PCDH7: variants seen among roughly 807,000 people sequenced by gnomAD.
PCDH7 encodes protocadherin-7.
A neutral mutation model predicts 58.9 loss-of-function variants in PCDH7; 17 were observed. The ratio of observed to expected loss-of-function variants is 0.29; its 90% CI spans 0.20 to 0.43. The LOEUF (loss-of-function observed/expected upper bound fraction) is 0.43, where lower values mean the gene tolerates loss of function less well. Ranked by LOEUF, PCDH7 falls within the 20% of genes least tolerant of loss-of-function variation. The probability of loss-of-function intolerance (pLI) is 1.00; values close to 1 mark genes in which losing one functional copy is unlikely to be tolerated. For synonymous variants in PCDH7, 664 were observed against 616.4 expected (o/e 1.08, Z -1.14); for missense variants, 1,274 against 1,441.0 (o/e 0.88, Z 1.88).
At chr4:31,117,191 T>C (rs557713342) in intron 3 of PCDH7, among the ~76,000 whole-genome samples, 25 of 152,108 alleles carry the variant, frequency 1.6e-4, no homozygotes, top group Non-Finnish European at 3.2e-4. Context: ...CTAGGTTTTA[T>C]GTAATATATG....
intron 3 of PCDH7, among the ~76,000 whole-genome samples, chr4:30,976,238 C>T (rs984076483): frequency 2.0e-5 from 3 of 151,960 alleles, no homozygotes; most frequent in South Asian, 4.2e-4. Flanking sequence ...ACCACTAACT[C>T]CACCCACCAC....
chr4:30,949,075 C>T (rs1413097704), intron 2 of PCDH7, among the ~76,000 whole-genome samples: 1 of 152,120 alleles, frequency 6.6e-6, no homozygotes, highest in African/African-American at 2.4e-5. Context: ...CATCAATGTC[C>T]TAGCCCTTGT....
chr4:30,811,739 T>G (rs1727044365), intron 1 of PCDH7, among the ~76,000 whole-genome samples: 1 of 152,146 alleles, frequency 6.6e-6, no homozygotes, highest in East Asian at 1.9e-4. Flanking sequence ...ATCTGTAGTG[T>G]TTTTAGTGAT....
chr4:30,865,937 C>A (rs758013695), intron 1 of PCDH7, among the ~76,000 whole-genome samples: 1 of 151,952 alleles, frequency 6.6e-6, no homozygotes, highest in Non-Finnish European at 1.5e-5. Flanking sequence ...TCCTCTTGTT[C>A]GAATTTAGGG....
In PCDH7 at chr4:31,059,438, G is replaced by C. The variant is rs1037544857; in HGVS notation, c.*8-83035G>C. Among the ~76,000 whole-genome samples the C allele has an allele frequency of 2.0e-5, 3 of 151,858 alleles. No individual in the cohort carries two copies. The South Asian group carries it at 6.2e-4, about 31-fold the overall frequency. On this transcript the variant is annotated intron_variant, in intron 3 of 3. Coordinates refer to the PCDH7 transcript ENST00000509759. Reference sequence around the variant, plus strand: ...TTCAACACTCATTGAAAGCATGACAGTAGAATTGTATCAATTCAGATTACT... The same window carrying C: ...TTCAACACTCATTGAAAGCATGACACTAGAATTGTATCAATTCAGATTACT...
chr4:30,894,184 T>G (rs1738986060), intron 1 of PCDH7, among the ~76,000 whole-genome samples: 1 of 152,076 alleles, frequency 6.6e-6, no homozygotes, highest in Non-Finnish European at 1.5e-5. Flanking sequence ...GCTTGAAGTT[T>G]GCTTTCCAGA....
At chr4:30,754,111 G>T (rs73213185) in intron 1 of PCDH7, among the ~76,000 whole-genome samples, 4 of 151,778 alleles carry the variant, frequency 2.6e-5, no homozygotes, top group Admixed American at 2.6e-4. Context: ...TATGAAGCAG[G>T]TAGCTTCTTC....
chr4:30,997,126 T>C (rs1751964828), intron 3 of PCDH7, among the ~76,000 whole-genome samples: 1 of 152,104 alleles, frequency 6.6e-6, no homozygotes, highest in Non-Finnish European at 1.5e-5. Flanking sequence ...CTGAAAGCTT[T>C]GCATTATTTC....
chr4:31,028,650 C>A (rs549613838), intron 3 of PCDH7, among the ~76,000 whole-genome samples: 95 of 113,032 alleles, frequency 8.4e-4, no homozygotes, highest in Non-Finnish European at 2.0e-4. Flanking sequence ...AGAACAAGAC[C>A]CTGCTTCAAA....
intron 3 of PCDH7, among the ~76,000 whole-genome samples, chr4:30,998,584 C>T (rs1011458319): frequency 1.3e-5 from 2 of 152,054 alleles, no homozygotes; most frequent in African/African-American, 4.8e-5. Flanking sequence ...GGGCGTATCC[C>T]AGAACAATTG....
chr4:30,957,870 T>G (rs371179590), intron 3 of PCDH7, among the ~76,000 whole-genome samples: 1 of 152,286 alleles, frequency 6.6e-6, no homozygotes. Flanking sequence ...TACTGCTAAC[T>G]CTGCTGGGTC....
intron 3 of PCDH7, among the ~76,000 whole-genome samples, chr4:31,127,307 AT>A (rs1291842982): frequency 6.6e-6 from 1 of 152,094 alleles, no homozygotes; most frequent in Non-Finnish European, 1.5e-5. Flanking sequence ...TACACTCCTG[AT>A]TTTTTTACAC....
At chr4:30,852,253 A>G (rs1732860991) in intron 1 of PCDH7, among the ~76,000 whole-genome samples, 1 of 152,136 alleles carries the variant, frequency 6.6e-6, no homozygotes, top group Admixed American at 6.6e-5. Flanking sequence ...ACAGAAACAC[A>G]TCGGATTCAA....
In PCDH7 at chr4:30,766,113, GA is replaced by G. The variant is rs34353609; in HGVS notation, c.70+41527del. On this transcript the variant is annotated intron_variant, in intron 1 of 3. Coordinates refer to the PCDH7 transcript ENST00000509759. Reference sequence around the variant, plus strand: ...ACAGATCTCTCCCATTAAATGTAGGGAAAAAAAAAAGGAACTGATTCTGATG... The same window carrying G: ...ACAGATCTCTCCCATTAAATGTAGGGAAAAAAAAAGGAACTGATTCTGATG... Among the ~76,000 whole-genome samples, 1,007 of 146,962 alleles carry G rather than the reference GA, an allele frequency of 6.9e-3. 6 individuals are homozygous for G. The highest frequency in any genetic ancestry group is 9.6e-3 in the Non-Finnish European group (645 of 66,888).
intron 3 of PCDH7, among the ~76,000 whole-genome samples, chr4:30,979,339 AG>A (rs140135261): frequency 0.039 from 5,686 of 145,954 alleles, 391 homozygotes; most frequent in African/African-American, 0.15. Context: ...AAAAAAAAAA[AG>A]AAAAAAAAGA....
At chr4:30,860,216 A>G (rs536029489) in intron 1 of PCDH7, among the ~76,000 whole-genome samples, 25 of 152,260 alleles carry the variant, frequency 1.6e-4, no homozygotes, top group African/African-American at 6.0e-4. Flanking sequence ...ATGGAGCACC[A>G]GGTCTCTCTC....
At chr4:30,735,155 G>C (rs554892788), downstream of PCDH7, among the ~76,000 whole-genome samples, 4 of 152,064 alleles carry the variant, frequency 2.6e-5, no homozygotes, top group Non-Finnish European at 4.4e-5. Context: ...TCACAAAAAC[G>C]TACAGGTTTT....
chr4:31,133,088 C>T (rs1719186541), intron 3 of PCDH7, among the ~76,000 whole-genome samples: 1 of 152,046 alleles, frequency 6.6e-6, no homozygotes, highest in Non-Finnish European at 1.5e-5. Flanking sequence ...AGTTTATTTA[C>T]CACATGTAAT....
chr4:31,107,707 G>A lies in PCDH7; in HGVS notation c.*8-34766G>A, dbSNP rs566817416. Among the ~76,000 whole-genome samples the A allele has an allele frequency of 2.9e-4, 44 of 152,190 alleles. 1 individual carries two copies. Among genetic ancestry groups the A allele is most frequent in the African/African-American group, 1.0e-3 (42 of 41,540 alleles). ...AATATATATCTAAAAAATGTTCACA[G>A]TTCTTAGTTGGGAGAAATAAAAGTA... On this transcript the variant is annotated intron_variant, in intron 3 of 3. Transcript: ENST00000509759.
Sources: gnomAD v4.1 joint callset for allele counts (sites outside exome capture counted in the v4.1 genomes callset) on GRCh38, gnomAD v4.1.1 for gene constraint, MANE v1.5 for transcripts, NCBI Gene and HGNC (gene_info 2026-07-23, HGNC 2026-07-21) for gene names.